ASIC2: variants seen among roughly 807,000 people sequenced by gnomAD.
ASIC2 encodes acid-sensing ion channel 2.
A neutral mutation model predicts 57.3 loss-of-function variants in ASIC2; 25 were observed. That is an observed-to-expected ratio of 0.44 (90% CI 0.32 to 0.61). ASIC2 has a LOEUF of 0.61. Ranked by LOEUF, ASIC2 falls within the 20% of genes least tolerant of loss-of-function variation. The pLI is 0.06. For missense variants in ASIC2, 641 were observed against 738.1 expected (o/e 0.87, Z 1.52); for synonymous variants, 319 against 307.5 (o/e 1.04, Z -0.39).
intron 3 of ASIC2, among the ~76,000 whole-genome samples, chr17:33,046,313 G>GAAAAA (rs2091954593): frequency 6.6e-6 from 1 of 152,110 alleles, no homozygotes; most frequent in African/African-American, 2.4e-5. Flanking sequence ...TTTTTCAATG[G>GAAAAA]GTGTATTTGA....
intron 1 of ASIC2, among the ~76,000 whole-genome samples, chr17:33,126,993 G>C (rs9894447): frequency 0.59 from 86,434 of 147,630 alleles, 25,735 homozygotes; most frequent in African/African-American, 0.65. Context: ...TCAGCCTCCC[G>C]AGTAGCTGGG....
intron 1 of ASIC2, among the ~76,000 whole-genome samples, chr17:33,611,318 A>G (rs1297995177): frequency 6.6e-6 from 1 of 152,186 alleles, no homozygotes; most frequent in Non-Finnish European, 1.5e-5. Context: ...ATGTTCTGCA[A>G]GCTCACACGC....
chr17:33,827,689 T>A (rs890679673), intron 1 of ASIC2: 1 of 152,008 alleles, frequency 6.6e-6, no homozygotes, highest in African/African-American at 2.4e-5. Context: ...AACAACAACT[T>A]ACTACAGTAT....
intron 1 of ASIC2, among the ~76,000 whole-genome samples, chr17:33,177,915 G>A (rs999556044): frequency 2.2e-4 from 33 of 152,130 alleles, no homozygotes; most frequent in Non-Finnish European, 2.8e-4. Flanking sequence ...CCTTACTCTG[G>A]TCATGGTCTC....
chr17:33,518,969 C>T (rs893206301), intron 1 of ASIC2, among the ~76,000 whole-genome samples: 5 of 151,948 alleles, frequency 3.3e-5, no homozygotes, highest in East Asian at 1.9e-4. Context: ...TACAGGCGCC[C>T]GCCACTGCGT....
intron 1 of ASIC2, among the ~76,000 whole-genome samples, chr17:33,645,128 T>C (rs1375363540): frequency 6.6e-6 from 1 of 152,166 alleles, no homozygotes; most frequent in East Asian, 1.9e-4. Flanking sequence ...AAGTAAATAT[T>C]CCCATTTGAC....
rs1567718868 is a variant in ASIC2, at chr17:33,799,385, T to TTC, written c.555+356592_555+356593insGA. 1.1e-4 allele frequency among the ~76,000 whole-genome samples: 3 copies of TTC among 27,444 alleles called. 1 individual carries two copies. The East Asian group carries it at 1.3e-3, about 12-fold the overall frequency. The allele number at this position is 27,444 out of a possible 152,430, so 18.0% of individuals were successfully genotyped here. A position where few individuals can be genotyped will look rare whatever the true frequency, so the allele number is the denominator to read the frequency against. On this transcript the variant is annotated intron_variant, in intron 1 of 9. Coordinates refer to the ASIC2 transcript ENST00000359872. ...TTCTTTCTTTCTTTCTTCCTTTCTTTCTTTCTTTCTTTCTTTCTTTTCTTT... is the reference window on the plus strand; with the variant it reads ...TTCTTTCTTTCTTTCTTCCTTTCTTTTCCTTTCTTTCTTTCTTTCTTTTCTTT...
At chr17:33,402,360 G>A (rs761170264) in intron 1 of ASIC2, among the ~76,000 whole-genome samples, 2 of 152,066 alleles carry the variant, frequency 1.3e-5, no homozygotes, top group Non-Finnish European at 2.9e-5. Flanking sequence ...CATGTGCCAT[G>A]GTGGTTTGCT....
chr17:33,353,705 G>A (rs1188131448), intron 1 of ASIC2, among the ~76,000 whole-genome samples: 1 of 152,134 alleles, frequency 6.6e-6, no homozygotes, highest in Admixed American at 6.5e-5. Flanking sequence ...GGATCCAGGA[G>A]TGACCTCTTC....
At chr17:33,118,995 G>C (rs2092291336) in intron 1 of ASIC2, among the ~76,000 whole-genome samples, 1 of 152,110 alleles carries the variant, frequency 6.6e-6, no homozygotes, top group South Asian at 2.1e-4. Flanking sequence ...GAGGAGTTAG[G>C]AGTAGCTAAT....
chr17:33,334,784 G>T (rs938715518), intron 1 of ASIC2, among the ~76,000 whole-genome samples: 2 of 152,182 alleles, frequency 1.3e-5, no homozygotes, highest in Non-Finnish European at 2.9e-5. Context: ...AGGGTCCTGT[G>T]TATTCCACAG....
intron 1 of ASIC2, among the ~76,000 whole-genome samples, chr17:33,123,387 C>T (rs546480024): frequency 9.2e-5 from 14 of 152,236 alleles, no homozygotes; most frequent in South Asian, 8.3e-4. Context: ...AAGTGAAATA[C>T]GCCAGGCACA....
chr17:33,792,137 G>A (rs1911792555), intron 1 of ASIC2: 2 of 152,162 alleles, frequency 1.3e-5, no homozygotes, highest in Non-Finnish European at 2.9e-5. Context: ...GATGTTGTCT[G>A]TCACTACTAT....
chr17:33,197,363 G>C (rs1276058269), intron 1 of ASIC2, among the ~76,000 whole-genome samples: 2 of 152,170 alleles, frequency 1.3e-5, no homozygotes, highest in African/African-American at 2.4e-5. Flanking sequence ...ATAGGTAAGA[G>C]GGGCCCTGCT....
chr17:34,122,129 T>C (rs1235824023), intron 1 of ASIC2, among the ~76,000 whole-genome samples: 2 of 152,268 alleles, frequency 1.3e-5, no homozygotes, highest in Non-Finnish European at 2.9e-5. Flanking sequence ...TGCCTTTTAA[T>C]ACTTATTTGT....
intron 1 of ASIC2, among the ~76,000 whole-genome samples, chr17:33,684,491 G>A (rs992011949): frequency 1.1e-4 from 16 of 151,264 alleles, no homozygotes; most frequent in Admixed American, 4.6e-4. Flanking sequence ...GGTTGGGCGC[G>A]GGTGCTCTTC....
chr17:33,202,854 T>C (rs1160398931), intron 1 of ASIC2, among the ~76,000 whole-genome samples: 1 of 152,116 alleles, frequency 6.6e-6, no homozygotes, highest in African/African-American at 2.4e-5. Flanking sequence ...GGGATGGTCA[T>C]GTCCTTCAGG....
At chr17:34,040,322 C>A (rs914818689) in intron 1 of ASIC2, among the ~76,000 whole-genome samples, 1 of 147,866 alleles carries the variant, frequency 6.8e-6, no homozygotes, top group Non-Finnish European at 1.5e-5. Flanking sequence ...TCGGTTCGGT[C>A]CGGATTAGTA....
Position 33,036,064 on chromosome 17 carries a change from G to A in ASIC2, c.988-7672C>T, listed in dbSNP as rs1451568314. ...CTGGTTTTGGTCTCTCTCCGGTGCT[G>A]TCAAATAGTAGTTTTAAAATATTTT... On this transcript the variant is annotated intron_variant, in intron 3 of 9. Coordinates refer to ENST00000225823, the MANE Select transcript of ASIC2 (RefSeq NM_183377.2). 1.2e-4 allele frequency among the ~76,000 whole-genome samples: 18 copies of A among 152,182 alleles called. 1 individual carries two copies. The highest frequency in any genetic ancestry group is 1.2e-3 in the Admixed American group (18 of 15,276).
Sources: gnomAD v4.1 joint callset for allele counts (sites outside exome capture counted in the v4.1 genomes callset) on GRCh38, gnomAD v4.1.1 for gene constraint, MANE v1.5 for transcripts, NCBI Gene and HGNC (gene_info 2026-07-23, HGNC 2026-07-21) for gene names.